HCFC1: variants seen among roughly 807,000 people sequenced by gnomAD.
HCFC1 encodes the protein host cell factor C1.
Under a neutral mutation model 105.5 loss-of-function variants are expected in HCFC1, and 7 were observed. That is an observed-to-expected ratio of 0.07 (90% CI 0.04 to 0.12). The LOEUF is 0.12. HCFC1 is among the 10% of genes least tolerant of loss of function. HCFC1 has a pLI of 1.00. For synonymous variants in HCFC1, 918 were observed against 828.1 expected, an observed-to-expected ratio of 1.11 and a Z score of -1.86; for missense variants, 1,065 against 1,823.6, an observed-to-expected ratio of 0.58 and a Z score of 7.58.
rs1557114465 is a variant in HCFC1 at position 153,955,231 on chromosome X, A to G, written c.3168T>C (p.Ala1056=). Residue 1056 remains alanine, a synonymous_variant, in exon 17 of 26, where the codon GCT becomes GCC. Transcript: ENST00000310441. ...CCACAGTCGAGGTCACAAGAGAAGC[A>G]GCTGCCTCCTGTCTGTCACAGACGA... The part of the protein sequence containing the change: ...VQFVCDRQEA[A]ASLVTSTVGQ... 2 of 1,211,244 alleles carry G rather than the reference A, an allele frequency of 1.7e-6. No homozygotes were observed. Among genetic ancestry groups the G allele is most frequent in the Admixed American group, 4.3e-5 (2 of 46,053 alleles).
At position 153,954,689 on chromosome X, in the gene HCFC1, A is replaced by T. The variant is rs782452424; in HGVS notation, c.3710T>A (p.Val1237Asp). Residue 1237 changes from valine to aspartate, a missense_variant, in exon 17 of 26, where the codon GTC becomes GAC. By Grantham distance (152) the Val-to-Asp change is radical. Around this residue, in one of 17 missense-constraint regions of HCFC1, gnomAD observed 546 missense variants for 599.9 expected, o/e 0.91. Coordinates refer to ENST00000310441, the MANE Select transcript of HCFC1 (RefSeq NM_005334.3). ...GGAACGGGTCATGGCAGCGGTGCTG[A>T]CCGCATGGCTGTGGCGCCCCGCAGG... ...DLPAGRHSHAVSTAAMTRSSV... is the reference protein window; with the variant it reads ...DLPAGRHSHADSTAAMTRSSV... 1 of 1,204,309 alleles carries T rather than the reference A, an allele frequency of 8.3e-7. No individual in the cohort carries two copies. Among genetic ancestry groups the T allele is most frequent in the East Asian group, 3.0e-5 (1 of 33,574 alleles).
intron 4 of HCFC1, 42 bp from the exon 5 acceptor site, chrX:153,962,348 G>A: frequency 1.0e-6 from 1 of 981,929 alleles, no homozygotes; most frequent in Non-Finnish European, 1.4e-6. Flanking sequence ...AAGGTAGACT[G>A]CACACAGGTC....
rs1557112530 is a variant in HCFC1, at chrX:153,951,655, G to C, written c.5313C>G (p.Ser1771Arg). The change falls in exon 21 of 26, where the codon AGC (serine) becomes AGG (arginine). Residue 1771 changes from serine to arginine, a missense_variant. By Grantham distance (110) the Ser-to-Arg change is moderately radical (BLOSUM62 -1). Coordinates refer to ENST00000310441, the MANE Select transcript of HCFC1 (RefSeq NM_005334.3). Reference sequence around the variant, plus strand: ...TAGCTGCAGCCTGCAGCTTGGCTGGGCTGGCCACCACAACCGGCTGGGGGG... The same window carrying C: ...TAGCTGCAGCCTGCAGCTTGGCTGGCCTGGCCACCACAACCGGCTGGGGGG... ...FVAPQPVVVA[S>R]PAKLQAAATL... 1 of 1,211,151 alleles carries C rather than the reference G, an allele frequency of 8.3e-7. No individual in the cohort carries two copies. The highest frequency in any genetic ancestry group is 1.7e-5 in the African/African-American group (1 of 57,955).
At position 153,955,486 on chromosome X, in the gene HCFC1, G is replaced by T; in HGVS notation, c.2913C>A (p.Ala971=). ...TLITAPSGVE[A]QPVHDLPVSI... is the part of the protein sequence containing the mutation. ...ACACAGGGAGGTCATGCACAGGCTG[G>T]GCCTCCACCCCACTAGGTGCCGTGA... Residue 971 remains alanine, a synonymous_variant, in exon 17 of 26, where the codon GCC becomes GCA. Coordinates refer to ENST00000310441, the MANE Select transcript of HCFC1 (RefSeq NM_005334.3). 8.4e-7 allele frequency: 1 copy of T among 1,189,028 alleles called. No individual in the cohort carries two copies. The highest frequency in any genetic ancestry group is 1.1e-6 in the Non-Finnish European group (1 of 882,654).
intron 5 of HCFC1, 116 bp downstream of exon 5, chrX:153,962,106 C>A: frequency 1.9e-6 from 1 of 534,939 alleles, no homozygotes; most frequent in Non-Finnish European, 3.1e-6. Flanking sequence ...GCCAGCCCAG[C>A]CAGAAAGAGG....
chrX:153,949,806 A>G (rs782383550), intron 24 of HCFC1, among the ~76,000 whole-genome samples, 190 bp from the exon 25 acceptor site: 5 of 109,948 alleles, frequency 4.5e-5, no homozygotes, highest in Admixed American at 1.9e-4. Flanking sequence ...GACACCACTC[A>G]CTCCCCTCTG....
At chrX:153,953,184 T>C (rs2065332147) in intron 18 of HCFC1, 1 of 446,452 alleles carries the variant, frequency 2.2e-6, no homozygotes, top group South Asian at 3.3e-5. Flanking sequence ...CCTTTCCTTG[T>C]GGGCCTAAGT....
At chrX:153,962,189 A>G in intron 5 of HCFC1, 33 bp downstream of exon 5, 1 of 1,122,444 alleles carries the variant, frequency 8.9e-7, no homozygotes, top group Middle Eastern at 2.4e-4. Context: ...ACGCCAGTCT[A>G]GAGAAGAGAG....
rs2065282457 is a variant in HCFC1, at chrX:153,948,980, C to G, written c.*367G>C. 1 of 133,005 alleles carries G rather than the reference C, an allele frequency of 7.5e-6. No homozygotes were observed. The highest frequency in any genetic ancestry group is 2.2e-4 in the East Asian group (1 of 4,565). The allele number at this position is 133,005 out of a possible 1,213,427, so 11.0% of individuals were successfully genotyped here. A position where few individuals can be genotyped will look rare whatever the true frequency, so the allele number is the denominator to read the frequency against. On this transcript the variant is annotated 3_prime_UTR_variant, in exon 26 of 26. Transcript: ENST00000310441. ...GGCCAAGAGGGACGCCTTTCCTCCC[C>G]TCCATGCCTGCCCCCGACCTGGCCC...
At position 153,970,974 on chromosome X, in the gene HCFC1, A is replaced by G; in HGVS notation, c.-134T>C. On this transcript the variant is annotated 5_prime_UTR_variant, in exon 1 of 26. The change abolishes an upstream ATG in the 5' untranslated region. Coordinates refer to ENST00000310441, the MANE Select transcript of HCFC1 (RefSeq NM_005334.3). ...TTCTCACACAGCGGTAGACGACTCC[A>G]TGGAGGCCGCCATCTTAACTGCCCT... 6.2e-6 allele frequency: 3 copies of G among 480,003 alleles called. No individual in the cohort carries two copies. The highest frequency in any genetic ancestry group is 1.0e-5 in the Non-Finnish European group (3 of 295,328). 39.6% of individuals were successfully genotyped at this position (480,003 alleles called of 1,213,427 possible).
At chrX:153,957,932 AG>A (rs1569546832) in intron 11 of HCFC1, 46 bp from the exon 12 acceptor site, 3 of 1,157,537 alleles carry the variant, frequency 2.6e-6, no homozygotes, top group Non-Finnish European at 3.5e-6. Flanking sequence ...AAACCAAACA[AG>A]GGCATGGCCT....
Position 153,951,593 on chromosome X carries a change from C to T in HCFC1, c.5375G>A (p.Gly1792Asp). 1 of 1,210,008 alleles carries T rather than the reference C, an allele frequency of 8.3e-7. No homozygotes were observed. Among genetic ancestry groups the T allele is most frequent in the Non-Finnish European group, 1.1e-6 (1 of 894,185 alleles). ...GCCCCAACACACCCGACTCACCACA[C>T]CCAGGGACTCGATGCCATTGGCCAC... is the stretch of plus-strand genomic sequence containing the variant. ...TEVANGIESL[G>D]VKPDLPPPPS... is the part of the protein sequence containing the mutation. The change falls in exon 21 of 26, where the codon GGT (glycine) becomes GAT (aspartate). Residue 1792 changes from glycine to aspartate, a missense_variant. Coordinates refer to ENST00000310441, the MANE Select transcript of HCFC1 (RefSeq NM_005334.3).
At chrX:153,963,031 A>G (rs1336084325) in intron 4 of HCFC1, among the ~76,000 whole-genome samples, 194 bp downstream of exon 4, 1 of 112,380 alleles carries the variant, frequency 8.9e-6, no homozygotes, top group East Asian at 2.8e-4. Flanking sequence ...CACAGGGCAG[A>G]GATAACAGCC....
intron 6 of HCFC1, among the ~76,000 whole-genome samples, chrX:153,961,170 G>A (rs781834792): frequency 8.9e-6 from 1 of 112,551 alleles, no homozygotes; most frequent in Non-Finnish European, 1.9e-5. Flanking sequence ...GCGCCAGGCT[G>A]CCACTGTTTG....
intron 16 of HCFC1, 145 bp from the exon 17 acceptor site, chrX:153,955,687 C>A (rs781960962): frequency 5.1e-4 from 291 of 568,417 alleles, no homozygotes; most frequent in Non-Finnish European, 7.0e-4. Flanking sequence ...CTCACCCCTG[C>A]CCCCAAGACA....
intron 18 of HCFC1, 50 bp downstream of exon 18, chrX:153,953,557 C>T (rs782580795): frequency 1.9e-5 from 22 of 1,152,779 alleles, no homozygotes; most frequent in South Asian, 3.7e-5. Context: ...TGGAACTGCA[C>T]GGGCGTAGGC....
rs3027883 is a variant in HCFC1 at position 153,955,513 on chromosome X, C to T, written c.2886G>A (p.Leu962=). Residue 962 remains leucine, a synonymous_variant, in exon 17 of 26, where the codon CTG becomes CTA. Coordinates refer to ENST00000310441, the MANE Select transcript of HCFC1 (RefSeq NM_005334.3). ...QPVSQPTQVT[L]ITAPSGVEAQ... ...CCTCCACCCCACTAGGTGCCGTGAT[C>T]AGAGTTACCTGGGTGGGCTGGGACA... The T allele has an allele frequency of 8.9e-3, 10,442 of 1,173,098 alleles. 580 individuals carry two copies. The African/African-American group carries it at 0.16, about 18-fold the overall frequency.
rs782064674 is a variant in HCFC1, at chrX:153,950,496, G to A, written c.5751C>T (p.Ser1917=). 4.8e-5 allele frequency: 57 copies of A among 1,184,033 alleles called. No homozygotes were observed. The highest frequency in any genetic ancestry group is 2.4e-4 in the Middle Eastern group (1 of 4,208). The part of the protein sequence containing the change: ...HLTWEPPSVT[S]GKIIEYSVYL... Reference sequence around the variant, plus strand: ...ACACGGAGTACTCGATAATCTTGCCGGAGGTCACAGAGGGTGGCTCCCAGG... The same window carrying A: ...ACACGGAGTACTCGATAATCTTGCCAGAGGTCACAGAGGGTGGCTCCCAGG... Residue 1917 remains serine (S), a synonymous_variant, in exon 24 of 26, where the codon TCC becomes TCT. Coordinates refer to ENST00000310441, the MANE Select transcript of HCFC1 (RefSeq NM_005334.3).
At chrX:153,953,331 T>C (rs1333436530) in intron 18 of HCFC1, among the ~76,000 whole-genome samples, 1 of 111,505 alleles carries the variant, frequency 9.0e-6, no homozygotes, top group East Asian at 2.8e-4. Flanking sequence ...CCTGGACAAA[T>C]GGGCACTCAG....
Sources: allele counts gnomAD v4.1 joint callset (sites outside exome capture counted in the v4.1 genomes callset), GRCh38; gene constraint gnomAD v4.1.1; regional missense constraint gnomAD v4.1.1; transcripts MANE v1.5; gene names NCBI Gene and HGNC (gene_info 2026-07-23, HGNC 2026-07-21).